DISC1: variants seen among roughly 807,000 people sequenced by gnomAD.
DISC1 encodes disrupted in schizophrenia 1 protein.
In DISC1, 57 loss-of-function variants were observed where a neutral mutation model predicts 84.5. That is an observed-to-expected ratio of 0.67 (90% CI 0.55 to 0.84). The LOEUF is 0.84. Ranked by LOEUF, DISC1 falls within the 40% of genes least tolerant of loss-of-function variation. DISC1 has a pLI of 0.00. For synonymous variants in DISC1, 411 were observed against 415.2 expected (o/e 0.99, Z 0.12); for missense variants, 1,000 against 1,057.8 (o/e 0.95, Z 0.76).
chr1:232,002,900 C>T (rs1419867941), intron 10 of DISC1, among the ~76,000 whole-genome samples: 1 of 152,068 alleles, frequency 6.6e-6, no homozygotes, highest in East Asian at 1.9e-4. Context: ...AACACACACA[C>T]AAGGGGAACT....
At chr1:231,981,213 G>T (rs1663554324) in intron 10 of DISC1, among the ~76,000 whole-genome samples, 1 of 152,076 alleles carries the variant, frequency 6.6e-6, no homozygotes, top group Non-Finnish European at 1.5e-5. Context: ...CAAAGTGTTG[G>T]GATTACAGGT....
At chr1:231,899,658 T>C (rs1338580320) in intron 9 of DISC1, among the ~76,000 whole-genome samples, 4 of 152,250 alleles carry the variant, frequency 2.6e-5, no homozygotes, top group Non-Finnish European at 5.9e-5. Flanking sequence ...TTAATAATAA[T>C]CATCATTAGT....
chr1:231,784,896 A>G (rs2077713610), intron 6 of DISC1, among the ~76,000 whole-genome samples: 1 of 152,210 alleles, frequency 6.6e-6, no homozygotes, highest in Non-Finnish European at 1.5e-5. Context: ...AAGGTCTCAG[A>G]TAACCAGCTT....
rs1361602266 is a variant in DISC1 at position 232,031,205 on chromosome 1, GGA to G, written c.2425+4654_2425+4655del. 3.5e-5 allele frequency among the ~76,000 whole-genome samples: 5 copies of G among 142,216 alleles called. No homozygotes were observed. Among genetic ancestry groups the G allele is most frequent in the Non-Finnish European group, 6.2e-5 (4 of 64,656 alleles). 93.3% of individuals were successfully genotyped at this position (142,216 alleles called of 152,430 possible). On this transcript the variant is annotated intron_variant, in intron 12 of 12. Transcript: ENST00000439617. The surrounding 1 kb of genome is among the most constrained non-coding windows in gnomAD (Gnocchi z 4.6). ...GGGAGAAAGGAGAGACAGAGAGAGA[GGA>G]AGGAAGGAAGGGAGAAAGAGAGAGA... is the stretch of plus-strand genomic sequence containing the variant.
rs551679065 is a variant in DISC1, at chr1:231,677,425, G to A, written c.68-16401G>A. Among the ~76,000 whole-genome samples, 5 of 152,296 alleles carry A rather than the reference G, an allele frequency of 3.3e-5. No homozygotes were observed. The East Asian group carries it at 9.7e-4, about 29-fold the overall frequency. On this transcript the variant is annotated intron_variant, in intron 1 of 12. Transcript: ENST00000439617. ...AGACTGTGCTGGAAAATTCCAAAAT[G>A]TTATCGGAATAAAGGAATGACTTCG...
intron 5 of DISC1, among the ~76,000 whole-genome samples, chr1:231,770,620 G>A (rs1438460111): frequency 6.6e-6 from 1 of 152,150 alleles, no homozygotes; most frequent in Non-Finnish European, 1.5e-5. Context: ...TAATGCTTGG[G>A]AGGGAATGTT....
At chr1:231,727,663 C>G (rs1443752101) in intron 3 of DISC1, among the ~76,000 whole-genome samples, 1 of 152,160 alleles carries the variant, frequency 6.6e-6, no homozygotes, top group Non-Finnish European at 1.5e-5. Flanking sequence ...TTTGTAACAA[C>G]TCTTCTACTT....
At chr1:231,791,767 C>T (rs773286017) in intron 6 of DISC1, among the ~76,000 whole-genome samples, 2 of 152,296 alleles carry the variant, frequency 1.3e-5, no homozygotes, top group Non-Finnish European at 2.9e-5. Flanking sequence ...TTAAAGTACA[C>T]GGAACTCCTG....
At chr1:231,877,750 CATGTAACT>C (rs2085997904) in intron 9 of DISC1, among the ~76,000 whole-genome samples, 2 of 152,202 alleles carry the variant, frequency 1.3e-5, no homozygotes, top group African/African-American at 4.8e-5. Flanking sequence ...TTTTTTCCTC[CATGTAACT>C]TTGCATGGTT....
intron 6 of DISC1, among the ~76,000 whole-genome samples, chr1:231,791,425 C>T (rs922810355): frequency 6.6e-5 from 10 of 152,146 alleles, no homozygotes; most frequent in African/African-American, 2.4e-4. Flanking sequence ...ATGAAATTTT[C>T]TTGTCTTACA....
At chr1:231,692,238 T>A (rs1287896163) in intron 1 of DISC1, among the ~76,000 whole-genome samples, 1 of 152,226 alleles carries the variant, frequency 6.6e-6, no homozygotes, top group Non-Finnish European at 1.5e-5. Flanking sequence ...TTACTCTGAC[T>A]TCTTCCACCA....
intron 4 of DISC1, 110 bp from the exon 5 acceptor site, chr1:231,767,024 CTAAGTA>C: frequency 7.3e-7 from 1 of 1,362,094 alleles, no homozygotes; most frequent in Non-Finnish European, 1.0e-6. Flanking sequence ...AAGTACCCTC[CTAAGTA>C]TGAGAACAGA....
At chr1:232,015,254 C>A (rs1304795271) in intron 11 of DISC1, among the ~76,000 whole-genome samples, 1 of 152,082 alleles carries the variant, frequency 6.6e-6, no homozygotes, top group African/African-American at 2.4e-5. Flanking sequence ...TATGGTGGAA[C>A]CTTGCTCCAT....
At chr1:232,017,414 G>T (rs1333705774) in intron 11 of DISC1, among the ~76,000 whole-genome samples, 1 of 150,592 alleles carries the variant, frequency 6.6e-6, no homozygotes, top group African/African-American at 2.4e-5. Flanking sequence ...CTTAAATACT[G>T]CTATAGCCCC....
intron 9 of DISC1, among the ~76,000 whole-genome samples, chr1:231,821,449 C>T (rs1055310195): frequency 3.3e-5 from 5 of 152,112 alleles, no homozygotes; most frequent in African/African-American, 1.2e-4. Context: ...CTTTTGTTGC[C>T]AAGACACAAT....
At chr1:231,741,157 G>GC (rs1280199738) in intron 3 of DISC1, among the ~76,000 whole-genome samples, 1 of 152,216 alleles carries the variant, frequency 6.6e-6, no homozygotes, top group African/African-American at 2.4e-5. Context: ...CTCGGGCTAG[G>GC]CTGGGGACAG....
intron 9 of DISC1, among the ~76,000 whole-genome samples, chr1:231,946,482 A>G (rs982449178): frequency 3.3e-5 from 5 of 152,248 alleles, no homozygotes; most frequent in Admixed American, 6.5e-5. Context: ...AGAGCTTTTT[A>G]TGACAAACCC....
At chr1:231,822,115 G>A (rs201861245) in intron 9 of DISC1, among the ~76,000 whole-genome samples, 18 of 152,038 alleles carry the variant, frequency 1.2e-4, no homozygotes, top group African/African-American at 2.7e-4. Context: ...TGTTGATTTC[G>A]CACTGTAACT....
intron 1 of DISC1, among the ~76,000 whole-genome samples, chr1:231,653,221 T>C (rs779850934): frequency 1.3e-5 from 2 of 152,260 alleles, no homozygotes; most frequent in Non-Finnish European, 2.9e-5. Context: ...AAAGCATATA[T>C]TCTGAAATCT....
Sources: gnomAD v4.1 joint callset for allele counts (sites outside exome capture counted in the v4.1 genomes callset) on GRCh38, gnomAD v4.1.1 for gene constraint, Gnocchi (gnomAD v3.1) non-coding constraint, MANE v1.5 for transcripts, NCBI Gene and HGNC (gene_info 2026-07-23, HGNC 2026-07-21) for gene names.